The following TCF12 variants were observed in gnomAD, a reference collection of about 807,000 sequenced individuals.
The protein encoded by TCF12 is DNA-binding protein HTF4.
TCF12 carries 45 observed loss-of-function variants against 86.0 expected under a neutral mutation model. The ratio of observed to expected loss-of-function variants is 0.52; its 90% CI spans 0.41 to 0.67. The LOEUF (loss-of-function observed/expected upper bound fraction) is 0.67, where lower values mean the gene tolerates loss of function less well. Among genes scored for constraint, TCF12 ranks in the 30% least tolerant of loss-of-function variants. The pLI is 0.00. For missense variants in TCF12, 881 were observed against 859.9 expected, an observed-to-expected ratio of 1.02 and a Z score of -0.31; for synonymous variants, 330 against 299.6, an observed-to-expected ratio of 1.10 and a Z score of -1.05.
At chr15:57,117,460 C>G (rs1344325990) in intron 5 of TCF12, among the ~76,000 whole-genome samples, 1 of 152,136 alleles carries the variant, frequency 6.6e-6, no homozygotes, top group Non-Finnish European at 1.5e-5. Context: ...TCAAGAGTTG[C>G]TATAATTTTA....
chr15:57,008,289 A>G (rs1233067808), intron 3 of TCF12, among the ~76,000 whole-genome samples: 1 of 151,236 alleles, frequency 6.6e-6, no homozygotes, highest in East Asian at 1.9e-4. Context: ...GTTTTTTTGG[A>G]TATATTTTAT....
rs116506180 is a variant in TCF12 at position 57,174,274 on chromosome 15, G to A, written c.390+7808G>A. ...TTTGGTTTAAGATTTGAAAATCCAT[G>A]TATTTAGTTCACCACATTATAACAG... is the stretch of plus-strand genomic sequence containing the variant. On this transcript the variant is annotated intron_variant, in intron 6 of 20. Coordinates refer to ENST00000333725, the MANE Select transcript of TCF12 (RefSeq NM_207037.2). 7.3e-3 allele frequency among the ~76,000 whole-genome samples: 1,105 copies of A among 152,234 alleles called. 9 individuals carry two copies. The highest frequency in any genetic ancestry group is 0.026 in the African/African-American group (1,068 of 41,516).
chr15:57,067,754 T>C (rs1318951842), intron 4 of TCF12, among the ~76,000 whole-genome samples: 1 of 152,076 alleles, frequency 6.6e-6, no homozygotes, highest in African/African-American at 2.4e-5. Context: ...GCAGAGAGCA[T>C]AGACACACAC....
In TCF12 at chr15:57,231,132, ATG is replaced by A. The variant is rs768737397; in HGVS notation, c.580-17_580-16del. The A allele has an allele frequency of 2.6e-6, 4 of 1,540,920 alleles. No individual in the cohort carries two copies. The South Asian group carries it at 4.5e-5, about 17-fold the overall frequency. On this transcript the variant is annotated intron_variant, in intron 8 of 20. Transcript: ENST00000333725. ...TGATAGTCATTTACATTTTAATTAA[ATG>A]TGCTGTTTAATTTTAAGGTATATGC... is the stretch of plus-strand genomic sequence containing the variant.
chr15:56,930,703 GT>G (rs60934031), intron 3 of TCF12, among the ~76,000 whole-genome samples: 8,048 of 144,294 alleles, frequency 0.056, 476 homozygotes, highest in African/African-American at 0.16. Flanking sequence ...GTATCAGCTA[GT>G]TTTTTTTTTA....
chr15:57,050,352 G>C (rs2067525061), intron 3 of TCF12, among the ~76,000 whole-genome samples: 1 of 152,088 alleles, frequency 6.6e-6, no homozygotes. Context: ...TCTAGTCAGT[G>C]ATTCTGAGGT....
intron 5 of TCF12, among the ~76,000 whole-genome samples, chr15:57,159,922 A>T (rs2054377964): frequency 2.0e-5 from 3 of 152,204 alleles, no homozygotes; most frequent in South Asian, 4.1e-4. Flanking sequence ...ACTTGTCTGG[A>T]AATTTTTAGG....
At chr15:56,978,905 T>G (rs2062750812) in intron 3 of TCF12, among the ~76,000 whole-genome samples, 1 of 152,218 alleles carries the variant, frequency 6.6e-6, no homozygotes, top group South Asian at 2.1e-4. Context: ...TCTTGTCAAA[T>G]GTGGCTGTGA....
chr15:57,031,388 C>G (rs1318346842), intron 3 of TCF12, among the ~76,000 whole-genome samples: 1 of 150,948 alleles, frequency 6.6e-6, no homozygotes, highest in Admixed American at 6.6e-5. Context: ...TTTGGGGGGT[C>G]AGATCAATCT....
At position 56,941,324 on chromosome 15, in the gene TCF12, G is replaced by A. The variant is rs190770447; in HGVS notation, c.148+20226G>A. On this transcript the variant is annotated intron_variant, in intron 3 of 20. Coordinates refer to ENST00000333725, the MANE Select transcript of TCF12 (RefSeq NM_207037.2). ...CAAGGCTGCAGCAAGCCAAGATCGT[G>A]CCACTGCACTCCAACCTGGATGATA... 2.6e-5 allele frequency among the ~76,000 whole-genome samples: 4 copies of A among 152,038 alleles called. No individual in the cohort carries two copies. In the South Asian group the frequency reaches 6.2e-4, roughly 24 times the overall value.
At chr15:57,060,922 C>G (rs1400344122) in intron 3 of TCF12, among the ~76,000 whole-genome samples, 2 of 152,154 alleles carry the variant, frequency 1.3e-5, no homozygotes, top group East Asian at 1.9e-4. Flanking sequence ...GTCATTGATT[C>G]TAAAAGATGA....
At chr15:57,216,276 AT>A (rs1401316394) in intron 8 of TCF12, among the ~76,000 whole-genome samples, 2 of 152,180 alleles carry the variant, frequency 1.3e-5, no homozygotes, top group Non-Finnish European at 2.9e-5. Flanking sequence ...TTCACTAGTC[AT>A]TTTGCTAGTG....
At chr15:57,290,198 C>T (rs2062053650), downstream of TCF12, among the ~76,000 whole-genome samples, 1 of 151,958 alleles carries the variant, frequency 6.6e-6, no homozygotes, top group Non-Finnish European at 1.5e-5. Flanking sequence ...CAAAAATTAG[C>T]CAGCTATGGT....
chr15:57,098,741 G>T (rs1029737920), intron 5 of TCF12, among the ~76,000 whole-genome samples: 36 of 152,208 alleles, frequency 2.4e-4, no homozygotes, highest in African/African-American at 8.2e-4. Flanking sequence ...ATAAGTGACA[G>T]AACCTAACTT....
At chr15:57,252,145 T>C in intron 14 of TCF12, 1 of 332,200 alleles carries the variant, frequency 3.0e-6, no homozygotes, top group Non-Finnish European at 5.5e-6. Flanking sequence ...AGAAACATTC[T>C]TTTTCTGTGA....
At chr15:57,188,176 G>C (rs769048651) in intron 6 of TCF12, among the ~76,000 whole-genome samples, 2 of 151,856 alleles carry the variant, frequency 1.3e-5, no homozygotes, top group Non-Finnish European at 2.9e-5. Flanking sequence ...ATTTACAATA[G>C]TATTTAAAGG....
chr15:57,183,245 T>C (rs16977281), intron 6 of TCF12, among the ~76,000 whole-genome samples: 2,078 of 152,292 alleles, frequency 0.014, 49 homozygotes, highest in African/African-American at 0.048. Context: ...TCACCACATT[T>C]GTATATACAC....
intron 3 of TCF12, among the ~76,000 whole-genome samples, chr15:57,028,062 C>G (rs1172126777): frequency 6.6e-6 from 1 of 151,868 alleles, no homozygotes; most frequent in African/African-American, 2.4e-5. Flanking sequence ...CTCCTGGGTT[C>G]AAGTTATTCT....
intron 3 of TCF12, among the ~76,000 whole-genome samples, chr15:56,932,033 A>G (rs1409250278): frequency 6.6e-6 from 1 of 152,218 alleles, no homozygotes; most frequent in South Asian, 2.1e-4. Context: ...TCATATTTGT[A>G]TAATCCCTCT....
Sources: allele counts gnomAD v4.1 joint callset (sites outside exome capture counted in the v4.1 genomes callset), GRCh38; gene constraint gnomAD v4.1.1; transcripts MANE v1.5; gene names NCBI Gene and HGNC (gene_info 2026-07-23, HGNC 2026-07-21).